The following CNTN4 variants were observed in gnomAD, a reference collection of about 807,000 sequenced individuals.
CNTN4 encodes contactin 4, also known as contactin-4.
Under a neutral mutation model 122.5 loss-of-function variants are expected in CNTN4, and 77 were observed. The ratio of observed to expected loss-of-function variants is 0.63; its 90% CI spans 0.52 to 0.76. CNTN4 has a LOEUF of 0.76. Ranked by LOEUF, CNTN4 falls within the 30% of genes least tolerant of loss-of-function variation. CNTN4 has a pLI of 0.00. For missense variants in CNTN4, 1,256 were observed against 1,259.1 expected, an observed-to-expected ratio of 1.00 and a Z score of 0.04; for synonymous variants, 512 against 447.0, an observed-to-expected ratio of 1.15 and a Z score of -1.83.
rs78747307 is a variant in CNTN4, at chr3:2,652,239, A to G, written c.55+80681A>G. Among the ~76,000 whole-genome samples the G allele has an allele frequency of 5.8e-4, 89 of 152,264 alleles. 2 individuals are homozygous for G. The East Asian group carries it at 0.015, about 26-fold the overall frequency. Reference sequence around the variant, plus strand: ...CCTGTCTCTGAAACAGACAAACACAATAACACACCAAGAAATTTGGGAACA... The same window carrying G: ...CCTGTCTCTGAAACAGACAAACACAGTAACACACCAAGAAATTTGGGAACA... On this transcript the variant is annotated intron_variant, in intron 4 of 24. Transcript: ENST00000418658.
At chr3:2,997,631 A>C (rs1352339237) in intron 14 of CNTN4, among the ~76,000 whole-genome samples, 1 of 152,226 alleles carries the variant, frequency 6.6e-6, no homozygotes, top group Non-Finnish European at 1.5e-5. Context: ...TTTAGGTTAA[A>C]TACAGAATCT....
chr3:2,671,019 C>T (rs1459155857), intron 4 of CNTN4, among the ~76,000 whole-genome samples: 2 of 152,168 alleles, frequency 1.3e-5, no homozygotes, highest in Non-Finnish European at 1.5e-5. Context: ...TCTGTCTGCC[C>T]TTAACATTTT....
chr3:2,247,183 C>T (rs1224282617), intron 2 of CNTN4, among the ~76,000 whole-genome samples: 3 of 151,972 alleles, frequency 2.0e-5, no homozygotes, highest in Admixed American at 6.6e-5. Context: ...AAGCTATTGC[C>T]GTTGCAGTGA....
At chr3:2,440,172 AGGG>A (rs1353285159) in intron 3 of CNTN4, among the ~76,000 whole-genome samples, 2 of 152,188 alleles carry the variant, frequency 1.3e-5, no homozygotes, top group African/African-American at 4.8e-5. Flanking sequence ...TTTAAGTTTT[AGGG>A]TACATGTGCA....
Position 3,037,312 on chromosome 3 carries a change from G to T in CNTN4, c.2076G>T (p.Arg692=). ...AGCCCAGCCGCCCCTCAGAGAAACGGAGAACAGAAGAAGCTCGTGAGTAGC... is the reference window on the plus strand; with the variant it reads ...AGCCCAGCCGCCCCTCAGAGAAACGTAGAACAGAAGAAGCTCGTGAGTAGC... ...IGEPSRPSEK[R]RTEEALPEVT... The change falls in exon 18 of 25, where the codon CGG becomes CGT. Residue 692 remains arginine, a synonymous_variant. Transcript: ENST00000418658. The T allele has an allele frequency of 3.7e-6, 6 of 1,614,198 alleles. No homozygotes were observed. The highest frequency in any genetic ancestry group is 4.2e-6 in the Non-Finnish European group (5 of 1,180,034).
intron 4 of CNTN4, among the ~76,000 whole-genome samples, chr3:2,649,753 C>G (rs975425312): frequency 6.6e-6 from 1 of 151,898 alleles, no homozygotes; most frequent in African/African-American, 2.4e-5. Flanking sequence ...TTATAGCTGC[C>G]ATACATAGTG....
intron 4 of CNTN4, among the ~76,000 whole-genome samples, chr3:2,592,107 C>G (rs1361853228): frequency 6.6e-6 from 1 of 152,076 alleles, no homozygotes; most frequent in Non-Finnish European, 1.5e-5. Flanking sequence ...TCTCAAAATC[C>G]TGGCCTCGAG....
At chr3:2,668,140 T>C (rs1294912872) in intron 4 of CNTN4, among the ~76,000 whole-genome samples, 1 of 152,152 alleles carries the variant, frequency 6.6e-6, no homozygotes, top group Admixed American at 6.5e-5. Context: ...AAGTCATTGG[T>C]AGCTTGATGG....
In CNTN4 at chr3:2,994,951, C is replaced by G. The variant is rs578245197; in HGVS notation, c.1486+6479C>G. On this transcript the variant is annotated intron_variant, in intron 14 of 24. Transcript: ENST00000418658. ...CCTTATAACTGAATACATTTCAACC[C>G]AATTAGATATCTTCCACTGGAACCA... Among the ~76,000 whole-genome samples, 9 of 152,204 alleles carry G rather than the reference C, an allele frequency of 5.9e-5. No individual in the cohort carries two copies. The South Asian group carries it at 1.9e-3, about 32-fold the overall frequency.
intron 7 of CNTN4, among the ~76,000 whole-genome samples, chr3:2,851,457 T>C (rs971429613): frequency 2.0e-5 from 3 of 152,224 alleles, no homozygotes; most frequent in African/African-American, 7.2e-5. Context: ...TTAAAACTCC[T>C]TTTTCCTCTG....
intron 3 of CNTN4, among the ~76,000 whole-genome samples, chr3:2,429,909 C>T (rs1288314037): frequency 6.6e-6 from 1 of 152,024 alleles, no homozygotes; most frequent in Admixed American, 6.5e-5. Flanking sequence ...TTTGCTAAAA[C>T]CATTGGAAAA....
chr3:2,391,948 A>G (rs1409379147), intron 3 of CNTN4, among the ~76,000 whole-genome samples: 1 of 152,224 alleles, frequency 6.6e-6, no homozygotes, highest in Non-Finnish European at 1.5e-5. Context: ...GGACAGCAGC[A>G]TAAAGCACTG....
At chr3:2,485,708 A>G (rs1262113412) in intron 3 of CNTN4, among the ~76,000 whole-genome samples, 1 of 152,180 alleles carries the variant, frequency 6.6e-6, no homozygotes, top group African/African-American at 2.4e-5. Flanking sequence ...TTGTAAACAC[A>G]CCAATCAGCA....
At chr3:2,923,492 G>A (rs566333262) in intron 12 of CNTN4, among the ~76,000 whole-genome samples, 236 of 152,222 alleles carry the variant, frequency 1.6e-3, no homozygotes, top group African/African-American at 5.3e-3. Flanking sequence ...CAAACACAAA[G>A]CCTACGAACA....
intron 13 of CNTN4, among the ~76,000 whole-genome samples, chr3:2,986,673 T>C (rs1694608644): frequency 6.6e-6 from 1 of 152,214 alleles, no homozygotes; most frequent in African/African-American, 2.4e-5. Context: ...GACCCCTGTT[T>C]CAGATATTTG....
At chr3:2,445,353 G>A (rs2048585768) in intron 3 of CNTN4, among the ~76,000 whole-genome samples, 1 of 151,292 alleles carries the variant, frequency 6.6e-6, no homozygotes, top group Admixed American at 6.6e-5. Flanking sequence ...ACCACATCCA[G>A]GTATTACCAC....
intron 2 of CNTN4, among the ~76,000 whole-genome samples, chr3:2,207,457 A>G (rs1241417081): frequency 1.3e-5 from 2 of 152,102 alleles, no homozygotes; most frequent in East Asian, 1.9e-4. Context: ...CAGACAAATG[A>G]TAAGAAAGTG....
At chr3:2,967,195 G>A (rs535776091) in intron 13 of CNTN4, among the ~76,000 whole-genome samples, 35 of 152,158 alleles carry the variant, frequency 2.3e-4, no homozygotes, top group Non-Finnish European at 4.7e-4. Flanking sequence ...GAACACATAG[G>A]AAGTCGTAGC....
At chr3:2,506,531 A>G (rs929119450) in intron 3 of CNTN4, among the ~76,000 whole-genome samples, 2 of 152,238 alleles carry the variant, frequency 1.3e-5, no homozygotes, top group Non-Finnish European at 2.9e-5. Flanking sequence ...GTGAGTTAGT[A>G]GGTGCTCAAT....
Sources: allele counts gnomAD v4.1 joint callset (sites outside exome capture counted in the v4.1 genomes callset), GRCh38; gene constraint gnomAD v4.1.1; transcripts MANE v1.5; gene names NCBI Gene and HGNC (gene_info 2026-07-23, HGNC 2026-07-21).